The following DOCK2 variants were observed in gnomAD, a reference collection of about 807,000 sequenced individuals.
DOCK2 encodes dedicator of cytokinesis 2.
A neutral mutation model predicts 248.9 loss-of-function variants in DOCK2; 87 were observed. The observed-to-expected ratio is 0.35, with a 90% CI of 0.29 to 0.42. The LOEUF (loss-of-function observed/expected upper bound fraction) is 0.42, where lower values mean the gene tolerates loss of function less well. Ranked by LOEUF, DOCK2 falls within the 10% of genes least tolerant of loss-of-function variation. The pLI is 1.00. For synonymous variants in DOCK2, 805 were observed against 821.6 expected (o/e 0.98, Z 0.35); for missense variants, 1,747 against 2,300.2 (o/e 0.76, Z 4.92).
At chr5:169,888,706 T>A (rs1417670947) in intron 27 of DOCK2, among the ~76,000 whole-genome samples, 2 of 152,236 alleles carry the variant, frequency 1.3e-5, no homozygotes, top group Admixed American at 1.3e-4. Context: ...TTGGAACAAG[T>A]GACTTGATCT....
At chr5:169,855,438 T>C (rs1215540116) in intron 27 of DOCK2, among the ~76,000 whole-genome samples, 1 of 152,154 alleles carries the variant, frequency 6.6e-6, no homozygotes, top group Admixed American at 6.5e-5. Context: ...AGTAGACCAG[T>C]AGGAAGTTAG....
At chr5:169,775,863 T>C (rs949850254) in intron 25 of DOCK2, among the ~76,000 whole-genome samples, 2 of 151,796 alleles carry the variant, frequency 1.3e-5, no homozygotes, top group Non-Finnish European at 2.9e-5. Flanking sequence ...CTTCTCAACC[T>C]CAGCAGCCCT....
At chr5:169,771,585 G>T (rs1246803206) in intron 25 of DOCK2, among the ~76,000 whole-genome samples, 1 of 152,028 alleles carries the variant, frequency 6.6e-6, no homozygotes, top group Non-Finnish European at 1.5e-5. Context: ...CCGGCCTTTT[G>T]TCTTTCTGTC....
chr5:169,822,723 A>G (rs1005570575), intron 26 of DOCK2, among the ~76,000 whole-genome samples: 4 of 152,146 alleles, frequency 2.6e-5, no homozygotes, highest in Admixed American at 6.5e-5. Flanking sequence ...AGAAGCAAGA[A>G]CAAACACATT....
intron 26 of DOCK2, among the ~76,000 whole-genome samples, chr5:169,814,663 A>G (rs1438463767): frequency 6.6e-6 from 1 of 152,210 alleles, no homozygotes; most frequent in Non-Finnish European, 1.5e-5. Flanking sequence ...CTCGCTAGGA[A>G]TTCAACATTA....
intron 32 of DOCK2, among the ~76,000 whole-genome samples, chr5:170,016,032 A>C (rs114033392): frequency 0.03 from 4,555 of 152,054 alleles, 105 homozygotes; most frequent in Middle Eastern, 0.13. Context: ...GTGATGGAGG[A>C]GGCCACTGTA....
chr5:170,056,996 G>C (rs996851301), intron 43 of DOCK2: 1 of 501,940 alleles, frequency 2.0e-6, no homozygotes, highest in East Asian at 3.4e-5. Flanking sequence ...CATGTCAGAG[G>C]CACTTTTTCA....
rs529113311 is a variant in DOCK2 at position 170,003,515 on chromosome 5, G to A, written c.3073-4982G>A. On this transcript the variant is annotated intron_variant, in intron 30 of 51. Coordinates refer to ENST00000520908, the MANE Select transcript of DOCK2 (RefSeq NM_004946.3). ...TGATCAGGCAGACCCAATATGCCCTGCAGTCTAGGAAGGCTTCATGAAGGA... is the reference window on the plus strand; with the variant it reads ...TGATCAGGCAGACCCAATATGCCCTACAGTCTAGGAAGGCTTCATGAAGGA... 2.6e-5 allele frequency among the ~76,000 whole-genome samples: 4 copies of A among 152,358 alleles called. No individual in the cohort carries two copies. In the East Asian group the frequency reaches 7.7e-4, roughly 29 times the overall value.
intron 26 of DOCK2, among the ~76,000 whole-genome samples, chr5:169,805,084 T>C (rs1767273667): frequency 1.3e-5 from 2 of 152,064 alleles, no homozygotes; most frequent in Admixed American, 1.3e-4. Flanking sequence ...TAACATCCTA[T>C]ATAATGTTGC....
chr5:170,064,625 A>G (rs1433319742), intron 44 of DOCK2, among the ~76,000 whole-genome samples: 1 of 152,156 alleles, frequency 6.6e-6, no homozygotes, highest in African/African-American at 2.4e-5. Context: ...GGCACCATCA[A>G]GTGTAACAAC....
intron 25 of DOCK2, among the ~76,000 whole-genome samples, chr5:169,802,211 G>C (rs1157504847): frequency 2.0e-5 from 3 of 152,152 alleles, no homozygotes; most frequent in Non-Finnish European, 4.4e-5. Flanking sequence ...ACCCAGGCTG[G>C]AGTGCAGTGG....
At chr5:169,949,912 C>T (rs1463207219) in intron 27 of DOCK2, among the ~76,000 whole-genome samples, 2 of 152,062 alleles carry the variant, frequency 1.3e-5, no homozygotes, top group Non-Finnish European at 2.9e-5. Flanking sequence ...AGTAACTCTT[C>T]TTTCTCGATT....
intron 1 of DOCK2, among the ~76,000 whole-genome samples, chr5:169,647,136 T>C (rs1757511361): frequency 6.6e-6 from 1 of 152,234 alleles, no homozygotes; most frequent in African/African-American, 2.4e-5. Flanking sequence ...CATACTTCCT[T>C]GCAGCCTCAT....
chr5:169,676,493 G>A (rs1759342917), intron 6 of DOCK2, among the ~76,000 whole-genome samples: 1 of 152,196 alleles, frequency 6.6e-6, no homozygotes, highest in Non-Finnish European at 1.5e-5. Context: ...GATGCTCCGT[G>A]GCACAGACTG....
At chr5:169,975,880 A>C (rs1439334753) in intron 27 of DOCK2, among the ~76,000 whole-genome samples, 2 of 152,202 alleles carry the variant, frequency 1.3e-5, no homozygotes, top group Non-Finnish European at 2.9e-5. Flanking sequence ...CATGCCTGGC[A>C]CATAGTAGGT....
chr5:170,077,558 C>T (rs1049453785), intron 47 of DOCK2, 152 bp from the exon 48 acceptor site: 12 of 1,054,004 alleles, frequency 1.1e-5, no homozygotes, highest in Admixed American at 9.5e-5. Context: ...TCTACAAGAA[C>T]GCCCTAGCCT....
intron 19 of DOCK2, among the ~76,000 whole-genome samples, chr5:169,715,478 G>A (rs1312524105): frequency 6.6e-6 from 1 of 152,072 alleles, no homozygotes; most frequent in Non-Finnish European, 1.5e-5. Flanking sequence ...ACCTCGTTCA[G>A]CAATGGCAGA....
chr5:169,753,446 G>T (rs1418219568), intron 23 of DOCK2, among the ~76,000 whole-genome samples: 3 of 142,150 alleles, frequency 2.1e-5, no homozygotes. Flanking sequence ...GAGAACATTT[G>T]GTATAAAGCG....
intron 22 of DOCK2, among the ~76,000 whole-genome samples, chr5:169,739,032 A>T (rs763054086): frequency 1.3e-5 from 2 of 152,220 alleles, no homozygotes; most frequent in Non-Finnish European, 2.9e-5. Context: ...TTTATTGCAC[A>T]TGCATTTTTA....
Sources: allele counts gnomAD v4.1 joint callset (sites outside exome capture counted in the v4.1 genomes callset), GRCh38; gene constraint gnomAD v4.1.1; transcripts MANE v1.5; gene names NCBI Gene and HGNC (gene_info 2026-07-23, HGNC 2026-07-21).